The following ATP8A2 variants were observed in gnomAD, a reference collection of about 807,000 sequenced individuals.
ATP8A2 encodes phospholipid-transporting ATPase IB.
ATP8A2 carries 100 observed loss-of-function variants against 165.6 expected under a neutral mutation model. The observed-to-expected ratio is 0.60, with a 90% CI of 0.51 to 0.71. The LOEUF is 0.71. Ranked by LOEUF, ATP8A2 falls within the 30% of genes least tolerant of loss-of-function variation. The pLI is 0.00. For synonymous variants in ATP8A2, 543 were observed against 548.8 expected (o/e 0.99, Z 0.15); for missense variants, 1,227 against 1,479.5 (o/e 0.83, Z 2.80).
At chr13:25,969,928 C>G (rs1239887132) in intron 35 of ATP8A2, among the ~76,000 whole-genome samples, 2 of 152,110 alleles carry the variant, frequency 1.3e-5, no homozygotes, top group Non-Finnish European at 2.9e-5. Context: ...ATCCATCAGA[C>G]AGCTGAGGCA....
intron 24 of ATP8A2, among the ~76,000 whole-genome samples, chr13:25,675,902 C>A (rs961730522): frequency 5.9e-5 from 9 of 151,910 alleles, no homozygotes; most frequent in African/African-American, 1.9e-4. Flanking sequence ...TTATAGAAAC[C>A]AAATTAACAT....
At chr13:25,408,706 A>T (rs1359375500) in intron 1 of ATP8A2, among the ~76,000 whole-genome samples, 3 of 152,174 alleles carry the variant, frequency 2.0e-5, no homozygotes, top group Non-Finnish European at 4.4e-5. Context: ...TCTTGGCCTT[A>T]TTTTAAAAGA....
At chr13:25,427,125 A>G (rs618592) in intron 1 of ATP8A2, among the ~76,000 whole-genome samples, 103,728 of 152,018 alleles carry the variant, frequency 0.68, 36,265 homozygotes, top group East Asian at 0.99. Context: ...CAGAGCAGGA[A>G]GTGAGCAGTG....
At chr13:25,450,759 C>T (rs1276768091) in intron 1 of ATP8A2, among the ~76,000 whole-genome samples, 5 of 152,056 alleles carry the variant, frequency 3.3e-5, no homozygotes, top group African/African-American at 1.2e-4. Flanking sequence ...TCTCAATCTC[C>T]TGACCTCGTA....
At chr13:25,790,693 CAA>C (rs113185440) in intron 27 of ATP8A2, among the ~76,000 whole-genome samples, 63 of 92,526 alleles carry the variant, frequency 6.8e-4, no homozygotes, top group Admixed American at 8.4e-4. Flanking sequence ...GACCTTGTCT[CAA>C]AAAAAAAAAA....
At chr13:25,622,328 G>T (rs1358754072) in intron 24 of ATP8A2, among the ~76,000 whole-genome samples, 4 of 152,008 alleles carry the variant, frequency 2.6e-5, no homozygotes, top group African/African-American at 9.7e-5. Context: ...GGGAAGCAAA[G>T]AAATGGAAAT....
rs147296704 is a variant in ATP8A2 at position 25,623,056 on chromosome 13, C to A, written c.2211+33357C>A. On this transcript the variant is annotated intron_variant, in intron 24 of 36. Coordinates refer to ENST00000381655, the MANE Select transcript of ATP8A2 (RefSeq NM_016529.6). ...ATTTTAAAGAATATATTCTTAGAGGCACCCTCACTTCAAAAGAAATTGAAT... is the reference window on the plus strand; with the variant it reads ...ATTTTAAAGAATATATTCTTAGAGGAACCCTCACTTCAAAAGAAATTGAAT... Among the ~76,000 whole-genome samples, 351 of 152,158 alleles carry A rather than the reference C, an allele frequency of 2.3e-3. 2 individuals are homozygous for A. The highest frequency in any genetic ancestry group is 4.3e-3 in the Non-Finnish European group (293 of 68,008).
intron 24 of ATP8A2, among the ~76,000 whole-genome samples, chr13:25,592,701 A>G (rs2040121732): frequency 1.3e-5 from 2 of 152,182 alleles, no homozygotes; most frequent in African/African-American, 4.8e-5. Context: ...TAACTCAGAA[A>G]TGAGCCTCTG....
At chr13:25,503,327 C>T (rs76526138) in intron 2 of ATP8A2, among the ~76,000 whole-genome samples, 2,411 of 152,150 alleles carry the variant, frequency 0.016, 38 homozygotes, top group Non-Finnish European at 0.023. Flanking sequence ...TATTAGAGAG[C>T]CGAATGAAAA....
intron 25 of ATP8A2, among the ~76,000 whole-genome samples, chr13:25,742,673 CTCTCTG>C (rs1410820069): frequency 7.5e-6 from 1 of 133,478 alleles, no homozygotes; most frequent in African/African-American, 2.8e-5. Flanking sequence ...CTCTCTCTCT[CTCTCTG>C]TCTTTTTTTT....
At chr13:25,721,065 C>T (rs1157709556) in intron 25 of ATP8A2, among the ~76,000 whole-genome samples, 1 of 151,552 alleles carries the variant, frequency 6.6e-6, no homozygotes, top group African/African-American at 2.4e-5. Flanking sequence ...AAGTGATCCT[C>T]CCACCTCAGC....
intron 27 of ATP8A2, among the ~76,000 whole-genome samples, chr13:25,808,756 T>C (rs1313635907): frequency 2.6e-5 from 4 of 152,260 alleles, no homozygotes; most frequent in African/African-American, 7.2e-5. Context: ...TTTTTATACC[T>C]GAAATACCTA....
At chr13:25,453,120 A>C (rs1387073479) in intron 1 of ATP8A2, among the ~76,000 whole-genome samples, 1 of 151,850 alleles carries the variant, frequency 6.6e-6, no homozygotes, top group African/African-American at 2.4e-5. Context: ...GTGTTATATG[A>C]ACGTTTCTTT....
chr13:25,885,658 C>G (rs957400778), intron 33 of ATP8A2, among the ~76,000 whole-genome samples: 1 of 152,182 alleles, frequency 6.6e-6, no homozygotes, highest in African/African-American at 2.4e-5. Flanking sequence ...TTTCATTATG[C>G]TATTTTCTTC....
At chr13:25,679,560 A>G (rs777843840) in intron 24 of ATP8A2, among the ~76,000 whole-genome samples, 7 of 152,204 alleles carry the variant, frequency 4.6e-5, no homozygotes, top group Non-Finnish European at 1.0e-4. Context: ...TTATGTGTTC[A>G]TATTTTTCAC....
intron 1 of ATP8A2, among the ~76,000 whole-genome samples, chr13:25,396,446 T>G (rs1420407578): frequency 6.6e-6 from 1 of 152,072 alleles, no homozygotes; most frequent in Non-Finnish European, 1.5e-5. Context: ...ATGGCTAGCC[T>G]GGGGGATGAT....
At chr13:25,968,539 A>G in intron 34 of ATP8A2, 36 bp from the exon 35 acceptor site, 1 of 1,576,280 alleles carries the variant, frequency 6.3e-7, no homozygotes, top group Non-Finnish European at 8.7e-7. Flanking sequence ...TCAAGTCTCT[A>G]TGCCATGTTC....
chr13:25,556,547 T>C (rs1483970343), intron 13 of ATP8A2, among the ~76,000 whole-genome samples: 1 of 152,226 alleles, frequency 6.6e-6, no homozygotes, highest in Non-Finnish European at 1.5e-5. Context: ...GCAAATATTT[T>C]CTCCCATTCT....
intron 2 of ATP8A2, among the ~76,000 whole-genome samples, chr13:25,510,212 CACACACACAG>C (rs775591788): frequency 0.091 from 12,159 of 134,006 alleles, 581 homozygotes; most frequent in South Asian, 0.12. Flanking sequence ...CACACACACA[CACACACACAG>C]AGAATGTTGA....
Sources: allele counts gnomAD v4.1 joint callset (sites outside exome capture counted in the v4.1 genomes callset), GRCh38; gene constraint gnomAD v4.1.1; transcripts MANE v1.5; gene names NCBI Gene and HGNC (gene_info 2026-07-23, HGNC 2026-07-21).